The following C17orf113 variants were observed in gnomAD, a reference collection of about 807,000 sequenced individuals.
The protein encoded by C17orf113 is uncharacterized protein C17orf113.
Under a neutral mutation model 11.6 loss-of-function variants are expected in C17orf113, and 5 were observed. The ratio of observed to expected loss-of-function variants is 0.43; its 90% CI spans 0.23 to 0.91. C17orf113 has a LOEUF of 0.91. C17orf113 is among the 40% of genes least tolerant of loss of function. C17orf113 has a pLI of 0.26. For synonymous variants in C17orf113, 327 were observed against 390.6 expected, an observed-to-expected ratio of 0.84 and a Z score of 1.92; for missense variants, 714 against 841.3, an observed-to-expected ratio of 0.85 and a Z score of 1.87.
chr17:42,043,214 T>C lies in C17orf113; in HGVS notation c.163A>G (p.Asn55Asp), dbSNP rs1555656313. Residue 55 changes from asparagine to aspartate, a missense_variant, in exon 2 of 3, where the codon AAC becomes GAC. Coordinates refer to ENST00000587304, the MANE Select transcript of C17orf113 (RefSeq NM_001358661.2). ...CLECRQALVR[N>D]KHGKAENAFT... ...GCGTTTTCGGCTTTGCCATGCTTGT[T>C]CCGTACCAGGGCCTGGCGGCACTCG... is the stretch of plus-strand genomic sequence containing the variant. 4.1e-6 allele frequency: 5 copies of C among 1,232,150 alleles called. No individual in the cohort carries two copies. Among genetic ancestry groups the C allele is most frequent in the Non-Finnish European group, 5.1e-6 (5 of 988,034 alleles). 76.3% of individuals were successfully genotyped at this position (1,232,150 alleles called of 1,614,324 possible). A position where few individuals can be genotyped will look rare whatever the true frequency, so the allele number is the denominator to read the frequency against.
Position 42,038,459 on chromosome 17 carries a change from C to A in C17orf113, c.*1246G>T. The A allele has an allele frequency of 5.5e-6, 1 of 182,412 alleles. No homozygotes were observed. Among genetic ancestry groups the A allele is most frequent in the Non-Finnish European group, 1.1e-5 (1 of 89,380 alleles). 11.3% of individuals were successfully genotyped at this position (182,412 alleles called of 1,614,324 possible). ...TGCTTCCCCCAGGAGGTAAATAAGCCAACATTCCTGGGTTGGGCCTCGACG... is the reference window on the plus strand; with the variant it reads ...TGCTTCCCCCAGGAGGTAAATAAGCAAACATTCCTGGGTTGGGCCTCGACG... On this transcript the variant is annotated 3_prime_UTR_variant, in exon 3 of 3. Transcript: ENST00000587304.
intron 1 of C17orf113, among the ~76,000 whole-genome samples, chr17:42,046,688 C>T (rs929107200): frequency 6.6e-6 from 1 of 151,970 alleles, no homozygotes; most frequent in Non-Finnish European, 1.5e-5. Context: ...GAGTTCAAGA[C>T]TAGCCTGGGC....
chr17:42,050,040 T>C lies in C17orf113; in HGVS notation c.-188+517A>G, dbSNP rs1022221058. Among the ~76,000 whole-genome samples the C allele has an allele frequency of 6.6e-6, 1 of 152,156 alleles. No individual in the cohort carries two copies. Among genetic ancestry groups the C allele is most frequent in the Non-Finnish European group, 1.5e-5 (1 of 68,022 alleles). ...CCACCTCAACCTCAAGGAAACAGGCTGAGTGGAGTGAGGTGTAAACAAAAC... is the reference window on the plus strand; with the variant it reads ...CCACCTCAACCTCAAGGAAACAGGCCGAGTGGAGTGAGGTGTAAACAAAAC... On this transcript the variant is annotated intron_variant, in intron 1 of 2. Transcript: ENST00000587304. This position sits in a 1 kb window ranked among gnomAD's most constrained non-coding sequence, Gnocchi z 5.6.
intron 2 of C17orf113, among the ~76,000 whole-genome samples, chr17:42,042,249 C>T (rs1049244574): frequency 3.9e-5 from 6 of 152,014 alleles, no homozygotes; most frequent in Non-Finnish European, 8.8e-5. Context: ...AGGCCAGGCG[C>T]GGTTGCTTAC....
intron 1 of C17orf113, among the ~76,000 whole-genome samples, chr17:42,044,225 T>A (rs1486661363): frequency 6.7e-6 from 1 of 148,724 alleles, no homozygotes; most frequent in African/African-American, 2.5e-5. Context: ...GCAGGATTGC[T>A]TGAGCCTGGG....
Position 42,040,480 on chromosome 17 carries a change from AG to A in C17orf113, c.1252del (p.Leu418CysfsTer15). ...GGCCAAGTCCGGCTCTTCTGCCTGC[AG>A]GACAAGGGAGAGCTTCTGCACAGAG... Reference protein sequence around the residue: ...LPSVQKLSLVLQAEEPDLALL... With the variant: ...LPSVQKLSLVXQAEEPDLALL... On this transcript the variant is annotated frameshift_variant, in exon 3 of 3. Coordinates refer to ENST00000587304, the MANE Select transcript of C17orf113 (RefSeq NM_001358661.2). LOFTEE classifies it low-confidence loss of function (END_TRUNC). 8.1e-7 allele frequency: 1 copy of A among 1,232,254 alleles called. No homozygotes were observed. Among genetic ancestry groups the A allele is most frequent in the South Asian group, 4.1e-5 (1 of 24,324 alleles). The allele number at this position is 1,232,254 out of a possible 1,614,324, so 76.3% of individuals were successfully genotyped here.
In C17orf113 at chr17:42,040,143, C is replaced by T; in HGVS notation, c.1590G>A (p.Pro530=). The change falls in exon 3 of 3, where the codon CCG becomes CCA. Residue 530 remains proline, a synonymous_variant. Coordinates refer to ENST00000587304, the MANE Select transcript of C17orf113 (RefSeq NM_001358661.2). The part of the protein sequence containing the change: ...IFDPRRYPQA[P]EELGTHGEGA... The stretch of plus-strand genomic sequence containing the variant: ...CCTCGCCATGCGTGCCCAGCTCCTC[C>T]GGCGCCTGCGGGTAGCGTCGGGGGT... 2 of 1,231,482 alleles carry T rather than the reference C, an allele frequency of 1.6e-6. No homozygotes were observed. Among genetic ancestry groups the T allele is most frequent in the Non-Finnish European group, 2.0e-6 (2 of 987,776 alleles). 76.3% of individuals were successfully genotyped at this position (1,231,482 alleles called of 1,614,324 possible).
chr17:42,041,825 G>A (rs1009591938), intron 2 of C17orf113, among the ~76,000 whole-genome samples: 45 of 152,124 alleles, frequency 3.0e-4, no homozygotes, highest in African/African-American at 1.1e-3. Context: ...GGACAGAGCT[G>A]CAATTTGCAT....
intron 1 of C17orf113, among the ~76,000 whole-genome samples, chr17:42,045,968 A>G (rs781949191): frequency 1.3e-5 from 2 of 152,098 alleles, no homozygotes; most frequent in Non-Finnish European, 2.9e-5. Flanking sequence ...GTAGACACCA[A>G]GCTGTTACTT....
In C17orf113 at chr17:42,039,517, G is replaced by C; in HGVS notation, c.*188C>G. 1 of 416,140 alleles carries C rather than the reference G, an allele frequency of 2.4e-6. No homozygotes were observed. The allele number at this position is 416,140 out of a possible 1,614,324, so 25.8% of individuals were successfully genotyped here. On this transcript the variant is annotated 3_prime_UTR_variant, in exon 3 of 3. Coordinates refer to ENST00000587304, the MANE Select transcript of C17orf113 (RefSeq NM_001358661.2). The stretch of plus-strand genomic sequence containing the variant: ...ACCCGCCCAGGCCCCTCTTGAGCCA[G>C]TCCCTTCCTCCACAGCCCACAGGGT...
chr17:42,042,794 C>A, intron 2 of C17orf113, 40 bp downstream of exon 2: 1 of 1,230,202 alleles, frequency 8.1e-7, no homozygotes, highest in South Asian at 4.2e-5. Context: ...AGTGTCCTCC[C>A]TTCCCAAGCC....
intron 1 of C17orf113, among the ~76,000 whole-genome samples, chr17:42,045,363 T>G (rs1388318703): frequency 2.0e-5 from 3 of 152,264 alleles, no homozygotes; most frequent in African/African-American, 7.2e-5. Context: ...AACTCTACCT[T>G]TTAATTATCT....
Position 42,041,067 on chromosome 17 carries a change from G to A in C17orf113, c.666C>T (p.Ala222=), listed in dbSNP as rs2143651255. The A allele has an allele frequency of 2.4e-6, 3 of 1,232,328 alleles. No homozygotes were observed. The highest frequency in any genetic ancestry group is 3.0e-6 in the Non-Finnish European group (3 of 988,076). 76.3% of individuals were successfully genotyped at this position (1,232,328 alleles called of 1,614,324 possible). The part of the protein sequence containing the change: ...WPESHSLALF[A]TSVSPCDGQP... ...GGCCATCACAGGGGGACACTGAAGT[G>A]GCAAACAGGGCCAGGCTGTGTGACT... Residue 222 remains alanine, a synonymous_variant, in exon 3 of 3, where the codon GCC becomes GCT. Transcript: ENST00000587304.
rs547258314 is a variant in C17orf113 at position 42,039,771 on chromosome 17, G to A, written c.1962C>T (p.Phe654=). ...VDGPPLHEFD[F]GLAVEFLESG... is the part of the protein sequence containing the mutation. The stretch of plus-strand genomic sequence containing the variant: ...TCTCTAAGAACTCCACAGCCAACCC[G>A]AAGTCAAACTCGTGCAGCGGGGGCC... The change falls in exon 3 of 3, where the codon TTC becomes TTT. Residue 654 remains phenylalanine, a synonymous_variant. Transcript: ENST00000587304. The A allele has an allele frequency of 7.8e-5, 96 of 1,232,390 alleles. No homozygotes were observed. The highest frequency in any genetic ancestry group is 3.8e-4 in the Admixed American group (9 of 23,730). 76.3% of individuals were successfully genotyped at this position (1,232,390 alleles called of 1,614,324 possible).
chr17:42,042,903 G>A lies in C17orf113; in HGVS notation c.474C>T (p.Asn158=). The change falls in exon 2 of 3, where the codon AAC becomes AAT. Residue 158 remains asparagine, a synonymous_variant. Transcript: ENST00000587304. The part of the protein sequence containing the change: ...CSALLELQRF[N]LCQALLGTEH... ...CTGTGCCCAGCAGTGCCTGGCACAG[G>A]TTGAACCTCTGCAGCTCGAGCAGGG... The A allele has an allele frequency of 8.1e-7, 1 of 1,232,444 alleles. No individual in the cohort carries two copies. Among genetic ancestry groups the A allele is most frequent in the Non-Finnish European group, 1.0e-6 (1 of 988,170 alleles). The allele number at this position is 1,232,444 out of a possible 1,614,324, so 76.3% of individuals were successfully genotyped here. A position where few individuals can be genotyped will look rare whatever the true frequency, so the allele number is the denominator to read the frequency against.
At position 42,050,355 on chromosome 17, in the gene C17orf113, G is replaced by A. The variant is rs1196962004; in HGVS notation, c.-188+202C>T. Reference sequence around the variant, plus strand: ...CCTGCTCTGACAGCCCTGGTGAGAAGGGGCTCCCCTGCACCTCTTCTCACG... The same window carrying A: ...CCTGCTCTGACAGCCCTGGTGAGAAAGGGCTCCCCTGCACCTCTTCTCACG... On this transcript the variant is annotated intron_variant, in intron 1 of 2. Transcript: ENST00000587304. This position sits in a 1 kb window ranked among gnomAD's most constrained non-coding sequence, Gnocchi z 5.6. 6.6e-6 allele frequency among the ~76,000 whole-genome samples: 1 copy of A among 152,126 alleles called. No individual in the cohort carries two copies. The highest frequency in any genetic ancestry group is 2.4e-5 in the African/African-American group (1 of 41,428).
chr17:42,047,653 T>C (rs1303815455), intron 1 of C17orf113, among the ~76,000 whole-genome samples: 1 of 151,696 alleles, frequency 6.6e-6, no homozygotes, highest in Non-Finnish European at 1.5e-5. Flanking sequence ...GCCCTCTTCC[T>C]TGGGACTTTT....
chr17:42,040,212 G>A lies in C17orf113; in HGVS notation c.1521C>T (p.Pro507=), dbSNP rs1228964414. Residue 507 remains proline (P), a synonymous_variant, in exon 3 of 3, where the codon CCC becomes CCT. Coordinates refer to ENST00000587304, the MANE Select transcript of C17orf113 (RefSeq NM_001358661.2). ...SMRKGLQDSY[P]GPSLDAVAAF... is the part of the protein sequence containing the mutation. ...CGGCCACGGCGTCCAGCGAAGGCCC[G>A]GGGTAGGAGTCCTGTAGGCCCTTCC... The A allele has an allele frequency of 4.1e-5, 51 of 1,231,482 alleles. No individual in the cohort carries two copies. Among genetic ancestry groups the A allele is most frequent in the Middle Eastern group, 3.1e-4 (1 of 3,230 alleles). 76.3% of individuals were successfully genotyped at this position (1,231,482 alleles called of 1,614,324 possible). A position where few individuals can be genotyped will look rare whatever the true frequency, so the allele number is the denominator to read the frequency against.
At position 42,040,425 on chromosome 17, in the gene C17orf113, C is replaced by CGCAGCCGCCATCACCAGAGGCT; in HGVS notation, c.1286_1307dup (p.Leu439GlyfsTer32). The stretch of plus-strand genomic sequence containing the variant: ...AGCCGCGCTGAGCTTGGAGGGAGGC[C>CGCAGCCGCCATCACCAGAGGCT]GCAGCCGCCATCACCAGAGGCTGCA... On this transcript the variant is annotated frameshift_variant, in exon 3 of 3. Coordinates refer to ENST00000587304, the MANE Select transcript of C17orf113 (RefSeq NM_001358661.2). LOFTEE classifies it low-confidence loss of function (END_TRUNC). 5 of 1,232,116 alleles carry CGCAGCCGCCATCACCAGAGGCT rather than the reference C, an allele frequency of 4.1e-6. No individual in the cohort carries two copies. The highest frequency in any genetic ancestry group is 5.1e-6 in the Non-Finnish European group (5 of 987,978). The allele number at this position is 1,232,116 out of a possible 1,614,324, so 76.3% of individuals were successfully genotyped here.
Sources: gnomAD v4.1 joint callset for allele counts (sites outside exome capture counted in the v4.1 genomes callset) on GRCh38, gnomAD v4.1.1 for gene constraint, Gnocchi (gnomAD v3.1) non-coding constraint, MANE v1.5 for transcripts, NCBI Gene and HGNC (gene_info 2026-07-23, HGNC 2026-07-21) for gene names.